Variants in CDIN1 observed in about 807,000 individuals in gnomAD.
CDIN1 encodes CDAN1 interacting nuclease 1.
Under a neutral mutation model 45.3 loss-of-function variants are expected in CDIN1, and 33 were observed. The ratio of observed to expected loss-of-function variants is 0.73; its 90% CI spans 0.55 to 0.97. CDIN1 has a LOEUF of 0.97. CDIN1 is among the 50% of genes least tolerant of loss of function. The probability of loss-of-function intolerance (pLI) is 0.00; values close to 1 mark genes in which losing one functional copy is unlikely to be tolerated. For missense variants in CDIN1, 303 were observed against 339.4 expected (o/e 0.89, Z 0.84); for synonymous variants, 118 against 124.4 (o/e 0.95, Z 0.34).
chr15:36,585,972 G>A (rs891828587), intron 1 of CDIN1, among the ~76,000 whole-genome samples: 8 of 152,084 alleles, frequency 5.3e-5, no homozygotes, highest in African/African-American at 1.7e-4. Flanking sequence ...TACAATTACT[G>A]ACTAAACCTG....
chr15:36,583,864 A>T (rs998913296), intron 1 of CDIN1, among the ~76,000 whole-genome samples: 1 of 151,996 alleles, frequency 6.6e-6, no homozygotes, highest in African/African-American at 2.4e-5. Flanking sequence ...AAAATACAGA[A>T]AATTAGCTGG....
At chr15:36,658,117 A>T (rs556551397) in intron 5 of CDIN1, 1 of 452,112 alleles carries the variant, frequency 2.2e-6, no homozygotes, top group South Asian at 4.5e-5. Flanking sequence ...TCCACACTCA[A>T]CCTCTCCATT....
intron 1 of CDIN1, among the ~76,000 whole-genome samples, chr15:36,614,985 T>TGAAA (rs1314777096): frequency 7.2e-5 from 11 of 152,088 alleles, no homozygotes; most frequent in Non-Finnish European, 1.3e-4. Flanking sequence ...CCTGCCTCCT[T>TGAAA]GAAAGAAAGA....
intron 5 of CDIN1, among the ~76,000 whole-genome samples, chr15:36,662,203 C>T (rs1466655966): frequency 6.6e-6 from 1 of 152,112 alleles, no homozygotes; most frequent in African/African-American, 2.4e-5. Flanking sequence ...TTAATAGTCA[C>T]ATCATTTGAA....
chr15:36,718,623 A>G (rs2043294342), intron 10 of CDIN1, among the ~76,000 whole-genome samples: 1 of 152,004 alleles, frequency 6.6e-6, no homozygotes, highest in African/African-American at 2.4e-5. Context: ...AATATTAGTA[A>G]TGATAGTTTT....
chr15:36,617,249 C>G (rs562284743), intron 1 of CDIN1: 16 of 944,220 alleles, frequency 1.7e-5, no homozygotes, highest in African/African-American at 1.1e-4. Flanking sequence ...GGTGCTCATC[C>G]TGAGGTTAAT....
At chr15:36,647,641 G>A (rs2040390910) in intron 3 of CDIN1, 1 of 152,262 alleles carries the variant, frequency 6.6e-6, no homozygotes, top group South Asian at 2.1e-4. Context: ...CAGGTCAAAT[G>A]TTCCTGTCTG....
At chr15:36,800,545 CTCTG>C (rs928399233) in intron 10 of CDIN1, among the ~76,000 whole-genome samples, 2 of 152,090 alleles carry the variant, frequency 1.3e-5, no homozygotes, top group African/African-American at 2.4e-5. Flanking sequence ...TTATTTACAA[CTCTG>C]TCTGGATATA....
intron 1 of CDIN1, among the ~76,000 whole-genome samples, chr15:36,589,617 T>A (rs6495852): frequency 1.3e-5 from 2 of 149,980 alleles, no homozygotes; most frequent in African/African-American, 4.9e-5. Context: ...GCCATTCTCC[T>A]GCCTCAGCCT....
intron 8 of CDIN1, among the ~76,000 whole-genome samples, chr15:36,702,823 G>T (rs1217826362): frequency 6.6e-6 from 1 of 152,022 alleles, no homozygotes; most frequent in Non-Finnish European, 1.5e-5. Context: ...TCACAAAGAT[G>T]ATTGCTGGTG....
At chr15:36,717,539 G>A (rs1336404013) in intron 10 of CDIN1, among the ~76,000 whole-genome samples, 1 of 152,104 alleles carries the variant, frequency 6.6e-6, no homozygotes, top group African/African-American at 2.4e-5. Flanking sequence ...TAGCATGGCT[G>A]TTCCACTGTT....
At chr15:36,776,937 T>G (rs2054232922) in intron 10 of CDIN1, among the ~76,000 whole-genome samples, 1 of 152,208 alleles carries the variant, frequency 6.6e-6, no homozygotes, top group African/African-American at 2.4e-5. Context: ...TCCTATTATA[T>G]CATAAACTTT....
In CDIN1 at chr15:36,809,909, C is replaced by T. The variant is rs1370222492; in HGVS notation, c.*1456C>T. 6.6e-6 allele frequency: 1 copy of T among 151,976 alleles called. No homozygotes were observed. Among genetic ancestry groups the T allele is most frequent in the Admixed American group, 6.6e-5 (1 of 15,240 alleles). The allele number at this position is 151,976 out of a possible 1,614,324, so 9.4% of individuals were successfully genotyped here. A position where few individuals can be genotyped will look rare whatever the true frequency, so the allele number is the denominator to read the frequency against. On this transcript the variant is annotated 3_prime_UTR_variant, in exon 11 of 11. Transcript: ENST00000566621. ...TAACTCTGAGTGGGGTGCATTAAATCAAAAGAGAGAGGCAGAAGATGAAAT... is the reference window on the plus strand; with the variant it reads ...TAACTCTGAGTGGGGTGCATTAAATTAAAAGAGAGAGGCAGAAGATGAAAT...
At chr15:36,613,759 C>A in intron 1 of CDIN1, 1 of 1,600,116 alleles carries the variant, frequency 6.2e-7, no homozygotes, top group Non-Finnish European at 8.5e-7. Context: ...TTTTTGAAAA[C>A]CGGGCCTTAA....
chr15:36,589,640 G>A (rs1489986546), intron 1 of CDIN1, among the ~76,000 whole-genome samples: 1 of 152,096 alleles, frequency 6.6e-6, no homozygotes, highest in African/African-American at 2.4e-5. Flanking sequence ...CGAGTAGCTG[G>A]GACTACAGGC....
chr15:36,659,083 T>G (rs2040890200), intron 5 of CDIN1, among the ~76,000 whole-genome samples: 1 of 152,204 alleles, frequency 6.6e-6, no homozygotes, highest in Non-Finnish European at 1.5e-5. Context: ...AAAGTCAACC[T>G]TCTGATTGCT....
At chr15:36,663,830 C>A (rs189942832) in intron 5 of CDIN1, among the ~76,000 whole-genome samples, 1 of 152,252 alleles carries the variant, frequency 6.6e-6, no homozygotes, top group East Asian at 1.9e-4. Flanking sequence ...AAATAACTTG[C>A]AGCTCACTTT....
intron 5 of CDIN1, among the ~76,000 whole-genome samples, chr15:36,670,258 A>C (rs1223978265): frequency 6.6e-6 from 1 of 152,086 alleles, no homozygotes; most frequent in African/African-American, 2.4e-5. Context: ...TGTTACCCAT[A>C]AACTGAGCAA....
chr15:36,639,472 G>A (rs1354775506), intron 1 of CDIN1, among the ~76,000 whole-genome samples: 1 of 152,074 alleles, frequency 6.6e-6, no homozygotes, highest in Non-Finnish European at 1.5e-5. Flanking sequence ...GGGCGTGGTG[G>A]CAGCTATTCT....
Sources: allele counts gnomAD v4.1 joint callset (sites outside exome capture counted in the v4.1 genomes callset), GRCh38; gene constraint gnomAD v4.1.1; transcripts MANE v1.5; gene names NCBI Gene and HGNC (gene_info 2026-07-23, HGNC 2026-07-21).